Variants in PKHD1 observed in about 807,000 individuals in gnomAD.
The protein encoded by PKHD1 is fibrocystin.
Under a neutral mutation model 412.0 loss-of-function variants are expected in PKHD1, and 291 were observed. The observed-to-expected ratio is 0.71, with a 90% CI of 0.64 to 0.78. The LOEUF (loss-of-function observed/expected upper bound fraction) is 0.78. Among genes scored for constraint, PKHD1 ranks in the 30% least tolerant of loss-of-function variants. The pLI is 0.00. For missense variants in PKHD1, 4,825 were observed against 4,950.7 expected, an observed-to-expected ratio of 0.97 and a Z score of 0.76; for synonymous variants, 1,777 against 1,821.5, an observed-to-expected ratio of 0.98 and a Z score of 0.62.
rs149491689 is a variant in PKHD1 at position 51,924,094 on chromosome 6, G to C, written c.6121+10016C>G. Among the ~76,000 whole-genome samples, 30 of 152,222 alleles carry C rather than the reference G, an allele frequency of 2.0e-4. No homozygotes were observed. The East Asian group carries it at 5.4e-3, about 27-fold the overall frequency. ...CAGGATCTAGGTAAAATCCAATTTT[G>C]ACAAATACCAAATATAATACCCAAT... On this transcript the variant is annotated intron_variant, in intron 37 of 66. Coordinates refer to ENST00000371117, the MANE Select transcript of PKHD1 (RefSeq NM_138694.4).
chr6:52,014,769 T>G (rs58859563), intron 34 of PKHD1, among the ~76,000 whole-genome samples: 1 of 129,210 alleles, frequency 7.7e-6, no homozygotes, highest in African/African-American at 3.1e-5. Flanking sequence ...TGGATGAATA[T>G]ACTGGATAGA....
Position 51,659,874 on chromosome 6 carries a change from C to A in PKHD1, c.10252G>T (p.Ala3418Ser). 1 of 1,613,362 alleles carries A rather than the reference C, an allele frequency of 6.2e-7. No homozygotes were observed. The change falls in exon 61 of 67, where the codon GCT (alanine) becomes TCT (serine). Residue 3418 changes from alanine (A) to serine (S), a missense_variant. Coordinates refer to ENST00000371117, the MANE Select transcript of PKHD1 (RefSeq NM_138694.4). ...TDQVVLILDSADAIWAIQKLY... is the reference protein window; with the variant it reads ...TDQVVLILDSSDAIWAIQKLY... ...TTCTGAATTGCCCAAATGGCATCAGCGCTATCAAGAATTAGGACCACTTGG... is the reference window on the plus strand; with the variant it reads ...TTCTGAATTGCCCAAATGGCATCAGAGCTATCAAGAATTAGGACCACTTGG...
At chr6:51,831,292 A>C (rs1277094613) in intron 51 of PKHD1, among the ~76,000 whole-genome samples, 1 of 152,150 alleles carries the variant, frequency 6.6e-6, no homozygotes, top group Non-Finnish European at 1.5e-5. Context: ...AATTGCCCAT[A>C]ATCTCACTAC....
At chr6:51,845,188 C>T (rs142263192) in intron 50 of PKHD1, among the ~76,000 whole-genome samples, 117 of 152,258 alleles carry the variant, frequency 7.7e-4, no homozygotes, top group African/African-American at 1.6e-3. Flanking sequence ...ATATGGAAAA[C>T]GTGGAAGCCT....
At chr6:51,960,539 T>C (rs1416001626) in intron 35 of PKHD1, among the ~76,000 whole-genome samples, 1 of 152,170 alleles carries the variant, frequency 6.6e-6, no homozygotes. Context: ...TCACTGGCTC[T>C]ACTGCCAAGA....
Position 51,871,764 on chromosome 6 carries a change from C to T in PKHD1, c.7351-1125G>A, listed in dbSNP as rs550141273. 1.7e-5 allele frequency among the ~76,000 whole-genome samples: 2 copies of T among 118,840 alleles called. 1 individual carries two copies. Among genetic ancestry groups the T allele is most frequent in the African/African-American group, 5.4e-5 (2 of 36,700 alleles). 78.0% of individuals were successfully genotyped at this position (118,840 alleles called of 152,430 possible). A position where few individuals can be genotyped will look rare whatever the true frequency, so the allele number is the denominator to read the frequency against. On this transcript the variant is annotated intron_variant, in intron 46 of 66. Transcript: ENST00000371117. ...ACAAAATCTCTTTGACAAACACTAT[C>T]CAATCAAGCTGCTAGTGCCTCACTG...
intron 60 of PKHD1, among the ~76,000 whole-genome samples, chr6:51,724,718 C>A (rs1782355530): frequency 6.6e-6 from 1 of 152,056 alleles, no homozygotes; most frequent in Admixed American, 6.6e-5. Context: ...GGGGACTTTG[C>A]AGACATAATT....
At chr6:51,825,951 C>T (rs1562398258) in intron 52 of PKHD1, among the ~76,000 whole-genome samples, 3 of 152,090 alleles carry the variant, frequency 2.0e-5, no homozygotes, top group Admixed American at 6.6e-5. Flanking sequence ...AGAAACATCA[C>T]CAATATTTGT....
intron 14 of PKHD1, among the ~76,000 whole-genome samples, chr6:52,061,789 T>C (rs1450308425): frequency 6.6e-6 from 1 of 152,092 alleles, no homozygotes; most frequent in African/African-American, 2.4e-5. Flanking sequence ...AAGAAGGATT[T>C]CAAAGGGAAA....
At position 52,025,605 on chromosome 6, in the gene PKHD1, C is replaced by G. The variant is rs1217413939; in HGVS notation, c.4205G>C (p.Cys1402Ser). The change falls in exon 32 of 67, where the codon TGT becomes TCT. Residue 1402 changes from cysteine to serine, a missense_variant. By Grantham distance (112) the Cys-to-Ser change is moderately radical. Coordinates refer to ENST00000371117, the MANE Select transcript of PKHD1 (RefSeq NM_138694.4). ...MAIFPSQGSA[C>S]GGTILTVRGL... ...CCTCACAGTAAGTATGGTCCCACCA[C>G]ATGCCGAACCCTGCGATGGGAAGAT... 6.2e-7 allele frequency: 1 copy of G among 1,614,086 alleles called. No individual in the cohort carries two copies. Among genetic ancestry groups the G allele is most frequent in the Non-Finnish European group, 8.5e-7 (1 of 1,180,048 alleles).
chr6:51,960,098 G>A lies in PKHD1; in HGVS notation c.5752-72C>T, dbSNP rs914241986. ...GGTCTGTTGCTTCGTTGGTTGGTTCGCTGGTTTGTTGGTTTGTTGGTTCAT... is the reference window on the plus strand; with the variant it reads ...GGTCTGTTGCTTCGTTGGTTGGTTCACTGGTTTGTTGGTTTGTTGGTTCAT... On this transcript the variant is annotated intron_variant, in intron 35 of 66. Coordinates refer to ENST00000371117, the MANE Select transcript of PKHD1 (RefSeq NM_138694.4). 15 of 1,477,610 alleles carry A rather than the reference G, an allele frequency of 1.0e-5. No homozygotes were observed. The South Asian group carries it at 1.1e-4, about 11-fold the overall frequency. The allele number at this position is 1,477,610 out of a possible 1,614,324, so 91.5% of individuals were successfully genotyped here.
chr6:51,709,092 GC>G (rs1360668097), intron 60 of PKHD1, among the ~76,000 whole-genome samples: 2 of 152,094 alleles, frequency 1.3e-5, no homozygotes, highest in Non-Finnish European at 2.9e-5. Flanking sequence ...CTCCCTTGAT[GC>G]CCTGAACTTT....
At chr6:51,710,407 T>C (rs996513881) in intron 60 of PKHD1, among the ~76,000 whole-genome samples, 4 of 152,062 alleles carry the variant, frequency 2.6e-5, no homozygotes, top group Non-Finnish European at 5.9e-5. Flanking sequence ...AAATTAAACA[T>C]AAAATATCAT....
At chr6:52,043,531 CT>C in intron 26 of PKHD1, 93 bp downstream of exon 26, 1 of 870,168 alleles carries the variant, frequency 1.1e-6, no homozygotes, top group South Asian at 1.4e-5. Flanking sequence ...ACTAATTTAT[CT>C]TCTACCCACC....
chr6:51,679,212 TG>T (rs1776289161), intron 60 of PKHD1, among the ~76,000 whole-genome samples: 3 of 152,098 alleles, frequency 2.0e-5, no homozygotes, highest in Admixed American at 2.0e-4. Context: ...AAATCTTTCA[TG>T]GCTGCTTATG....
At chr6:51,666,622 C>T (rs1217136947) in intron 60 of PKHD1, among the ~76,000 whole-genome samples, 9 of 151,626 alleles carry the variant, frequency 5.9e-5, no homozygotes, top group Admixed American at 6.6e-5. Flanking sequence ...TATACATGTG[C>T]CATGCTGGTG....
In PKHD1 at chr6:52,072,138, A is replaced by T. The variant is rs770367964; in HGVS notation, c.579T>A (p.Leu193=). Residue 193 remains leucine (L), a synonymous_variant, in exon 8 of 67, where the codon CTT becomes CTA. Transcript: ENST00000371117. ...QGDKWVTPCS[L]INRQMGSCYP... Reference sequence around the variant, plus strand: ...ACCAGCTTCCCATCTGCCTATTTATAAGAGAGCAAGGAGTAACCCATTTGT... The same window carrying T: ...ACCAGCTTCCCATCTGCCTATTTATTAGAGAGCAAGGAGTAACCCATTTGT... 3 of 1,608,850 alleles carry T rather than the reference A, an allele frequency of 1.9e-6. No individual in the cohort carries two copies. The highest frequency in any genetic ancestry group is 1.7e-4 in the Middle Eastern group (1 of 6,058).
At chr6:51,859,858 A>G (rs1021794959) in intron 48 of PKHD1, among the ~76,000 whole-genome samples, 2 of 152,166 alleles carry the variant, frequency 1.3e-5, no homozygotes, top group African/African-American at 4.8e-5. Flanking sequence ...ATTTGGTTCT[A>G]TTTGTCTTTG....
At chr6:51,866,704 G>A (rs9370077) in intron 48 of PKHD1, among the ~76,000 whole-genome samples, 61,176 of 151,986 alleles carry the variant, frequency 0.4, 13,511 homozygotes, top group East Asian at 0.85. Flanking sequence ...TAAAATGCAT[G>A]TAAGAAATAA....
Sources: allele counts gnomAD v4.1 joint callset (sites outside exome capture counted in the v4.1 genomes callset), GRCh38; gene constraint gnomAD v4.1.1; transcripts MANE v1.5; gene names NCBI Gene and HGNC (gene_info 2026-07-23, HGNC 2026-07-21).